LAMA2: variants seen among roughly 807,000 people sequenced by gnomAD.
LAMA2 encodes the protein laminin subunit alpha 2, also known as laminin subunit alpha-2.
In LAMA2, 269 loss-of-function variants were observed where a neutral mutation model predicts 364.8. That is an observed-to-expected ratio of 0.74 (90% confidence interval 0.67 to 0.82). The LOEUF is 0.82. Among genes scored for constraint, LAMA2 ranks in the 40% least tolerant of loss-of-function variants. LAMA2 has a pLI of 0.00. For missense variants in LAMA2, 3,807 were observed against 3,873.2 expected, an observed-to-expected ratio of 0.98 and a Z score of 0.45; for synonymous variants, 1,379 against 1,370.6, an observed-to-expected ratio of 1.01 and a Z score of -0.14.
At chr6:128,901,818 G>C (rs529165806) in intron 1 of LAMA2, among the ~76,000 whole-genome samples, 21 of 152,318 alleles carry the variant, frequency 1.4e-4, no homozygotes, top group Middle Eastern at 3.4e-3. Flanking sequence ...GTTGACTGCA[G>C]AGTTTATTCA....
chr6:129,165,809 A>G, intron 9 of LAMA2, 134 bp downstream of exon 9: 1 of 688,098 alleles, frequency 1.5e-6, no homozygotes. Context: ...TCAGTGTATT[A>G]GCGTTCCCTC....
At chr6:128,996,846 A>G (rs1005232320) in intron 1 of LAMA2, among the ~76,000 whole-genome samples, 9 of 152,202 alleles carry the variant, frequency 5.9e-5, no homozygotes, top group African/African-American at 9.7e-5. Flanking sequence ...CTGCAGCACT[A>G]TTCACAATAG....
chr6:129,383,785 T>C (rs1419877174), intron 35 of LAMA2, among the ~76,000 whole-genome samples: 2 of 152,192 alleles, frequency 1.3e-5, no homozygotes, highest in East Asian at 3.8e-4. Flanking sequence ...AGCCATTTTT[T>C]GGCAAAAGCC....
chr6:129,393,342 A>G (rs1779429043), intron 37 of LAMA2, 87 bp downstream of exon 37: 1 of 977,870 alleles, frequency 1.0e-6, no homozygotes, highest in Non-Finnish European at 1.6e-6. Flanking sequence ...ATTCAAGTTG[A>G]TGCACATTTA....
At chr6:129,253,629 G>A (rs905399199) in intron 14 of LAMA2, among the ~76,000 whole-genome samples, 1 of 152,210 alleles carries the variant, frequency 6.6e-6, no homozygotes, top group Non-Finnish European at 1.5e-5. Flanking sequence ...TGTTTAAACA[G>A]TACAAAGAAA....
At chr6:129,283,887 T>C (rs1788910712) in intron 18 of LAMA2, among the ~76,000 whole-genome samples, 1 of 152,018 alleles carries the variant, frequency 6.6e-6, no homozygotes, top group South Asian at 2.1e-4. Flanking sequence ...GGGGCAGTTA[T>C]ACCTACCTGT....
rs544271722 is a variant in LAMA2, at chr6:129,066,038, G to GTTTTTTTTTTT, written c.396+6157_396+6167dup. Among the ~76,000 whole-genome samples the GTTTTTTTTTTT allele has an allele frequency of 2.6e-3, 98 of 37,086 alleles. 14 individuals are homozygous for GTTTTTTTTTTT. Among genetic ancestry groups the GTTTTTTTTTTT allele is most frequent in the African/African-American group, 8.1e-3 (95 of 11,674 alleles). The allele number at this position is 37,086 out of a possible 152,430, so 24.3% of individuals were successfully genotyped here. A position where few individuals can be genotyped will look rare whatever the true frequency, so the allele number is the denominator to read the frequency against. On this transcript the variant is annotated intron_variant, in intron 3 of 64. Coordinates refer to ENST00000421865, the MANE Select transcript of LAMA2 (RefSeq NM_000426.4). ...TCTTTTGTAAATTGCCCAGTCTCAG[G>GTTTTTTTTTTT]TTTTTTTTTTTTTTTTTTTTTTTTT...
At chr6:128,963,390 T>A (rs955207043) in intron 1 of LAMA2, among the ~76,000 whole-genome samples, 4 of 152,138 alleles carry the variant, frequency 2.6e-5, no homozygotes, top group African/African-American at 9.7e-5. Flanking sequence ...ATTTTCTTAA[T>A]AATCTAATTT....
At chr6:129,282,064 G>C (rs780270723) in intron 18 of LAMA2, among the ~76,000 whole-genome samples, 1 of 152,134 alleles carries the variant, frequency 6.6e-6, no homozygotes, top group Non-Finnish European at 1.5e-5. Context: ...TAAGTGATTT[G>C]TGTGATCAGC....
At chr6:129,093,983 C>T (rs1455204308) in intron 3 of LAMA2, among the ~76,000 whole-genome samples, 1 of 152,072 alleles carries the variant, frequency 6.6e-6, no homozygotes, top group Non-Finnish European at 1.5e-5. Context: ...GGGGGTTAAT[C>T]ATCTGGAAAT....
chr6:129,284,220 C>T (rs1278590512), intron 18 of LAMA2, among the ~76,000 whole-genome samples: 1 of 118,120 alleles, frequency 8.5e-6, no homozygotes, highest in African/African-American at 3.0e-5. Context: ...CAGCAGCCAC[C>T]CTCTTCTGTG....
chr6:129,213,523 A>G (rs1783232724), intron 12 of LAMA2, among the ~76,000 whole-genome samples: 1 of 152,204 alleles, frequency 6.6e-6, no homozygotes, highest in African/African-American at 2.4e-5. Context: ...GTTTCTCCAC[A>G]TTCTCACCAG....
intron 12 of LAMA2, among the ~76,000 whole-genome samples, chr6:129,227,888 T>G (rs1784418886): frequency 6.6e-6 from 1 of 152,170 alleles, no homozygotes; most frequent in Non-Finnish European, 1.5e-5. Flanking sequence ...TGCAGAGGTT[T>G]CTGCTGTCTT....
Position 129,076,102 on chromosome 6 carries a change from A to G in LAMA2, c.396+16206A>G, listed in dbSNP as rs914917625. The stretch of plus-strand genomic sequence containing the variant: ...CGCTGTCTCAAAACAAAACAAAAAA[A>G]TTATTCAAGTGGAAATATTAAAGGG... On this transcript the variant is annotated intron_variant, in intron 3 of 64. Coordinates refer to ENST00000421865, the MANE Select transcript of LAMA2 (RefSeq NM_000426.4). 7.9e-5 allele frequency among the ~76,000 whole-genome samples: 12 copies of G among 152,042 alleles called. 1 individual carries two copies. Among genetic ancestry groups the G allele is most frequent in the Admixed American group, 7.2e-4 (11 of 15,232 alleles).
intron 1 of LAMA2, among the ~76,000 whole-genome samples, chr6:128,977,450 A>G (rs1478934193): frequency 3.3e-5 from 5 of 151,296 alleles, no homozygotes; most frequent in Non-Finnish European, 5.9e-5. Flanking sequence ...TTTCATAGAG[A>G]TGAGGTCTCA....
intron 31 of LAMA2, among the ~76,000 whole-genome samples, chr6:129,350,603 A>G (rs990995126): frequency 2.0e-5 from 3 of 152,226 alleles, no homozygotes; most frequent in African/African-American, 7.2e-5. Context: ...ATCACCTGAA[A>G]TCATACCCTT....
Position 129,133,024 on chromosome 6 carries a change from A to G in LAMA2, c.640-10877A>G, listed in dbSNP as rs548394028. ...CACACACACAAACACACATACGTACATGCAATCACACAAAGTATCAGGCAC... is the reference window on the plus strand; with the variant it reads ...CACACACACAAACACACATACGTACGTGCAATCACACAAAGTATCAGGCAC... On this transcript the variant is annotated intron_variant, in intron 4 of 64. Transcript: ENST00000421865. Among the ~76,000 whole-genome samples the G allele has an allele frequency of 6.8e-4, 104 of 152,308 alleles. 1 individual carries two copies. The highest frequency in any genetic ancestry group is 2.4e-4 in the Non-Finnish European group (16 of 68,020).
At chr6:129,406,123 T>C (rs950777528) in intron 40 of LAMA2, among the ~76,000 whole-genome samples, 2 of 152,038 alleles carry the variant, frequency 1.3e-5, no homozygotes, top group Admixed American at 1.3e-4. Flanking sequence ...AAAGAAATGA[T>C]AGAAATAACC....
At chr6:129,203,138 AG>A (rs1226465928) in intron 12 of LAMA2, among the ~76,000 whole-genome samples, 21 of 152,250 alleles carry the variant, frequency 1.4e-4, no homozygotes, top group African/African-American at 5.1e-4. Flanking sequence ...AGTATAAAAA[AG>A]GCTTGCTTCT....
Sources: gnomAD v4.1 joint callset for allele counts (sites outside exome capture counted in the v4.1 genomes callset) on GRCh38, gnomAD v4.1.1 for gene constraint, MANE v1.5 for transcripts, NCBI Gene and HGNC (gene_info 2026-07-23, HGNC 2026-07-21) for gene names.